The following SDK1 variants were observed in gnomAD, a reference collection of about 807,000 sequenced individuals.
The protein encoded by SDK1 is sidekick cell adhesion molecule 1, also known as protein sidekick-1.
In SDK1, 157 loss-of-function variants were observed where a neutral mutation model predicts 245.5. That is an observed-to-expected ratio of 0.64 (90% CI 0.56 to 0.73). The LOEUF (loss-of-function observed/expected upper bound fraction) is 0.73. Among genes scored for constraint, SDK1 ranks in the 30% least tolerant of loss-of-function variants. The pLI, the probability that SDK1 is intolerant of heterozygous loss-of-function variation, is 0.00. For synonymous variants in SDK1, 1,647 were observed against 1,278.5 expected, an observed-to-expected ratio of 1.29 and a Z score of -6.15; for missense variants, 3,583 against 3,002.3, an observed-to-expected ratio of 1.19 and a Z score of -4.52.
At chr7:3,707,762 A>G (rs1395782159) in intron 4 of SDK1, among the ~76,000 whole-genome samples, 1 of 152,092 alleles carries the variant, frequency 6.6e-6, no homozygotes, top group Non-Finnish European at 1.5e-5. Flanking sequence ...TAGGATTGTA[A>G]TTCTTCTTGT....
intron 35 of SDK1, among the ~76,000 whole-genome samples, chr7:4,190,778 A>G (rs115131435): frequency 0.014 from 2,147 of 152,336 alleles, 45 homozygotes; most frequent in African/African-American, 0.049. Flanking sequence ...GCCTCTTGCC[A>G]AAGGGCGGGT....
At chr7:3,879,753 C>G (rs1781161345) in intron 5 of SDK1, among the ~76,000 whole-genome samples, 1 of 152,182 alleles carries the variant, frequency 6.6e-6, no homozygotes, top group South Asian at 2.1e-4. Context: ...TGAAGTACTT[C>G]CCCTGCTTGT....
chr7:3,945,955 T>C (rs1180573684), intron 5 of SDK1, among the ~76,000 whole-genome samples: 2 of 126,242 alleles, frequency 1.6e-5, no homozygotes, highest in Non-Finnish European at 3.5e-5. Flanking sequence ...AGGTGCTCTT[T>C]CCAAAATTAA....
intron 4 of SDK1, among the ~76,000 whole-genome samples, chr7:3,675,174 C>T (rs933017422): frequency 3.9e-5 from 6 of 152,216 alleles, no homozygotes; most frequent in Non-Finnish European, 7.3e-5. Context: ...CATATCATTT[C>T]ATGGCAGCTT....
chr7:4,141,058 A>G (rs1012492995), intron 28 of SDK1, among the ~76,000 whole-genome samples: 1 of 152,254 alleles, frequency 6.6e-6, no homozygotes. Context: ...CTGTCTAGTC[A>G]GGAGCTTCTG....
intron 1 of SDK1, among the ~76,000 whole-genome samples, chr7:3,572,782 C>G (rs181486844): frequency 6.6e-6 from 1 of 152,100 alleles, no homozygotes; most frequent in East Asian, 1.9e-4. Flanking sequence ...GGGCTTCAGA[C>G]AAGTGCGTGG....
intron 5 of SDK1, among the ~76,000 whole-genome samples, chr7:3,842,985 G>A (rs889903475): frequency 2.6e-5 from 4 of 152,072 alleles, no homozygotes; most frequent in African/African-American, 9.7e-5. Flanking sequence ...TTCTCATTTG[G>A]CGAAAGTGCA....
intron 13 of SDK1, among the ~76,000 whole-genome samples, chr7:3,982,139 C>T (rs770709707): frequency 2.0e-5 from 3 of 152,170 alleles, no homozygotes; most frequent in African/African-American, 4.8e-5. Flanking sequence ...CTCTTAAGAA[C>T]GATGCTAAAT....
At chr7:3,779,498 C>G (rs1461609306) in intron 4 of SDK1, among the ~76,000 whole-genome samples, 1 of 151,642 alleles carries the variant, frequency 6.6e-6, no homozygotes, top group Admixed American at 6.6e-5. Context: ...CAAATCTGAC[C>G]TGTTTATATT....
intron 4 of SDK1, among the ~76,000 whole-genome samples, chr7:3,804,042 G>C (rs1002265704): frequency 6.6e-6 from 1 of 152,148 alleles, no homozygotes; most frequent in Non-Finnish European, 1.5e-5. Flanking sequence ...GGGATTACAG[G>C]CATGAGCCAC....
At chr7:4,235,560 T>C (rs1397051142) in intron 41 of SDK1, among the ~76,000 whole-genome samples, 3 of 152,222 alleles carry the variant, frequency 2.0e-5, no homozygotes, top group Non-Finnish European at 2.9e-5. Flanking sequence ...CCCCAAAGTA[T>C]AGAGAATGAG....
chr7:4,097,176 A>C (rs1434455547), intron 22 of SDK1, among the ~76,000 whole-genome samples: 1 of 152,128 alleles, frequency 6.6e-6, no homozygotes, highest in Non-Finnish European at 1.5e-5. Flanking sequence ...TTCCTGCCCC[A>C]CCCCACCTCG....
chr7:3,928,424 G>C (rs550338766), intron 5 of SDK1, among the ~76,000 whole-genome samples: 8 of 152,156 alleles, frequency 5.3e-5, no homozygotes, highest in Admixed American at 3.9e-4. Flanking sequence ...TTATCTACAC[G>C]TACAAATATT....
intron 1 of SDK1, among the ~76,000 whole-genome samples, chr7:3,567,261 C>A (rs1477162143): frequency 6.6e-6 from 1 of 152,146 alleles, no homozygotes; most frequent in Non-Finnish European, 1.5e-5. Flanking sequence ...GGTATTTATC[C>A]TCCATTCCTC....
chr7:3,470,399 G>A (rs1414756810), intron 1 of SDK1, among the ~76,000 whole-genome samples: 2 of 152,064 alleles, frequency 1.3e-5, no homozygotes, highest in African/African-American at 4.8e-5. Context: ...AACACCCTCA[G>A]TTTTAGTATA....
At chr7:3,573,985 A>G (rs915967384) in intron 1 of SDK1, among the ~76,000 whole-genome samples, 3 of 152,156 alleles carry the variant, frequency 2.0e-5, no homozygotes, top group African/African-American at 7.2e-5. Context: ...TATTTTACAT[A>G]TCATTCTTTG....
At chr7:3,714,726 G>T (rs1158952248) in intron 4 of SDK1, among the ~76,000 whole-genome samples, 1 of 152,168 alleles carries the variant, frequency 6.6e-6, no homozygotes, top group Non-Finnish European at 1.5e-5. Flanking sequence ...TCTAAAACAA[G>T]TTTCCATGCT....
chr7:3,987,032 G>A (rs577343514), intron 13 of SDK1, among the ~76,000 whole-genome samples, 154 bp from the exon 14 acceptor site: 2 of 152,128 alleles, frequency 1.3e-5, no homozygotes, highest in African/African-American at 2.4e-5. Context: ...TCCTTTTCTG[G>A]GGGGAAGAGA....
chr7:3,518,546 AATACAT>A (rs1782824039), intron 1 of SDK1, among the ~76,000 whole-genome samples: 1 of 152,134 alleles, frequency 6.6e-6, no homozygotes, highest in Non-Finnish European at 1.5e-5. Flanking sequence ...TTCTCAAAAT[AATACAT>A]ATACATGAGC....
Sources: gnomAD v4.1 joint callset for allele counts (sites outside exome capture counted in the v4.1 genomes callset) on GRCh38, gnomAD v4.1.1 for gene constraint, MANE v1.5 for transcripts, NCBI Gene and HGNC (gene_info 2026-07-23, HGNC 2026-07-21) for gene names.